The following WNT10A variants were observed in gnomAD, a reference collection of about 807,000 sequenced individuals.
WNT10A encodes protein Wnt-10a.
In WNT10A, 37 loss-of-function variants were observed where a neutral mutation model predicts 36.1. The ratio of observed to expected loss-of-function variants is 1.02; its 90% CI spans 0.79 to 1.35. The LOEUF is 1.35. Ranked by LOEUF, WNT10A falls within the 40% of genes most tolerant of loss-of-function variation. The pLI is 0.00. For missense variants in WNT10A, 613 were observed against 601.4 expected, an observed-to-expected ratio of 1.02 and a Z score of -0.20; for synonymous variants, 255 against 254.1, an observed-to-expected ratio of 1.00 and a Z score of -0.03.
upstream of WNT10A, among the ~76,000 whole-genome samples, chr2:218,877,548 C>T (rs1225810931): frequency 2.6e-5 from 4 of 152,192 alleles, no homozygotes; most frequent in Admixed American, 6.5e-5. This position sits in a 1 kb window ranked among gnomAD's most constrained non-coding sequence, Gnocchi z 4.1. Flanking sequence ...TCAAAGTCCC[C>T]TGCTGGCTGA....
At chr2:218,891,816 A>C (rs1944654123) in intron 3 of WNT10A, among the ~76,000 whole-genome samples, 1 of 152,178 alleles carries the variant, frequency 6.6e-6, no homozygotes, top group African/African-American at 2.4e-5. Context: ...CCCAAGTTTA[A>C]GGGCCCTGGA....
At chr2:218,875,159 C>CTTTTTTTTTTTTTTTTTTTTTTTTT in the WNT10A span, among the ~76,000 whole-genome samples, 1 of 36,864 alleles carries the variant, frequency 2.7e-5, no homozygotes, top group African/African-American at 7.4e-5. Flanking sequence ...GACTGACTTT[C>CTTTTTTTTTTTTTTTTTTTTTTTTT]TTTTTTTTTT....
At chr2:218,879,705 A>G (rs1361359153), upstream of WNT10A, among the ~76,000 whole-genome samples, 1 of 152,156 alleles carries the variant, frequency 6.6e-6, no homozygotes, top group Admixed American at 6.5e-5. Flanking sequence ...GGCAACACTC[A>G]GTGTTGGGGA....
At chr2:218,883,795 C>T (rs1281908861) in intron 2 of WNT10A, 1 of 152,100 alleles carries the variant, frequency 6.6e-6, no homozygotes, top group East Asian at 1.9e-4. Context: ...TGCCCGGGAC[C>T]CCCGGGTCCT....
At chr2:218,878,718 G>A (rs1192499588), upstream of WNT10A, among the ~76,000 whole-genome samples, 3 of 152,268 alleles carry the variant, frequency 2.0e-5, no homozygotes, top group Admixed American at 1.3e-4. This position sits in a 1 kb window ranked among gnomAD's most constrained non-coding sequence, Gnocchi z 4.1. Flanking sequence ...TAGTGTGAGC[G>A]CGTGATGGGG....
intron 2 of WNT10A, among the ~76,000 whole-genome samples, chr2:218,889,647 A>C (rs770976912): frequency 1.3e-5 from 2 of 152,218 alleles, no homozygotes; most frequent in Non-Finnish European, 2.9e-5. Flanking sequence ...TAAGTCCCTG[A>C]TTGTAAAAAG....
intron 2 of WNT10A, among the ~76,000 whole-genome samples, chr2:218,885,267 G>A (rs1944565798): frequency 6.6e-6 from 1 of 152,222 alleles, no homozygotes; most frequent in African/African-American, 2.4e-5. Flanking sequence ...GCTTCACCTA[G>A]TCCAGGAGCA....
upstream of WNT10A, among the ~76,000 whole-genome samples, chr2:218,879,689 C>A (rs1447356311): frequency 2.0e-5 from 3 of 152,250 alleles, no homozygotes; most frequent in Non-Finnish European, 4.4e-5. Flanking sequence ...TCTGCGGGCA[C>A]AGGCAGGCAA....
Position 218,890,011 on chromosome 2 carries a change from C to T in WNT10A, c.404C>T (p.Ala135Val). ...RGFRESAFAY[A>V]IAAAGVVHAV... ...TTCCGAGAGAGCGCTTTTGCCTACG[C>T]CATCGCAGCAGCTGGCGTGGTGCAC... Residue 135 changes from alanine (A) to valine (V), a missense_variant, in exon 3 of 4, where the codon GCC becomes GTC. By Grantham distance (64) the Ala-to-Val change is moderately conservative. Transcript: ENST00000258411. The T allele has an allele frequency of 6.2e-7, 1 of 1,613,508 alleles. No homozygotes were observed. Among genetic ancestry groups the T allele is most frequent in the South Asian group, 1.1e-5 (1 of 91,052 alleles).
intron 2 of WNT10A, among the ~76,000 whole-genome samples, chr2:218,882,709 C>T (rs565135465): frequency 6.6e-6 from 1 of 152,302 alleles, no homozygotes; most frequent in East Asian, 1.9e-4. Flanking sequence ...CACTGCATAT[C>T]TCAAACCCAG....
chr2:218,892,125 A>G (rs529919222), intron 3 of WNT10A, among the ~76,000 whole-genome samples: 2 of 152,166 alleles, frequency 1.3e-5, no homozygotes, highest in South Asian at 2.1e-4. Flanking sequence ...AGGACGAACC[A>G]TGGGTCTCAG....
chr2:218,884,932 T>G (rs577268685), intron 2 of WNT10A, among the ~76,000 whole-genome samples: 147 of 152,236 alleles, frequency 9.7e-4, no homozygotes, highest in Non-Finnish European at 1.9e-3. Flanking sequence ...CTGCCATGTT[T>G]AAACTTCAGA....
rs1465812643 is a variant in WNT10A at position 218,890,130 on chromosome 2, C to G, written c.523C>G (p.His175Asp). ...GDEEAFRRKLHRLQLDALQRG... is the reference protein window; with the variant it reads ...GDEEAFRRKLDRLQLDALQRG... ...CGAGGAGGCCTTCCGTAGGAAGCTG[C>G]ACCGCTTACAACTGGATGCACTGCA... The change falls in exon 3 of 4, where the codon CAC becomes GAC. Residue 175 changes from histidine to aspartate, a missense_variant. Physicochemically the swap from His to Asp is moderately conservative, Grantham distance 81. Transcript: ENST00000258411. 5 of 1,614,158 alleles carry G rather than the reference C, an allele frequency of 3.1e-6. 1 individual carries two copies. In the South Asian group the frequency reaches 5.5e-5, roughly 18 times the overall value.
rs753570181 is a variant in WNT10A, at chr2:218,893,202, C to T, written c.1185C>T (p.Arg395=). ...CGCGCAGCGAGCGCTGCCACTGCCG[C>T]TTCCACTGGTGCTGTTTCGTGGTCT... is the stretch of plus-strand genomic sequence containing the variant. ...RQTRSERCHC[R]FHWCCFVVCE... The change falls in exon 4 of 4, where the codon CGC becomes CGT. Residue 395 remains arginine (R), a synonymous_variant. Coordinates refer to ENST00000258411, the MANE Select transcript of WNT10A (RefSeq NM_025216.3). This position sits in a 1 kb window ranked among gnomAD's most constrained non-coding sequence, Gnocchi z 6.3. 3 of 1,577,492 alleles carry T rather than the reference C, an allele frequency of 1.9e-6. No homozygotes were observed. Among genetic ancestry groups the T allele is most frequent in the Non-Finnish European group, 2.6e-6 (3 of 1,168,310 alleles).
chr2:218,893,492 G>A lies in WNT10A; in HGVS notation c.*221G>A. On this transcript the variant is annotated 3_prime_UTR_variant, in exon 4 of 4. Coordinates refer to ENST00000258411, the MANE Select transcript of WNT10A (RefSeq NM_025216.3). This position sits in a 1 kb window ranked among gnomAD's most constrained non-coding sequence, Gnocchi z 6.3. The stretch of plus-strand genomic sequence containing the variant: ...CTTCTGTGGGCTCTAGGACTGACTG[G>A]GTTCTTCCTCCCTCCCCGAAGCCCA... The A allele has an allele frequency of 1.8e-6, 1 of 555,256 alleles. No homozygotes were observed. Among genetic ancestry groups the A allele is most frequent in the Non-Finnish European group, 2.9e-6 (1 of 347,976 alleles). 34.4% of individuals were successfully genotyped at this position (555,256 alleles called of 1,614,324 possible).
rs1944679304 is a variant in WNT10A at position 218,893,238 on chromosome 2, C to T, written c.1221C>T (p.Cys407=). 6.4e-7 allele frequency: 1 copy of T among 1,562,072 alleles called. No individual in the cohort carries two copies. Among genetic ancestry groups the T allele is most frequent in the Non-Finnish European group, 8.6e-7 (1 of 1,160,284 alleles). The change falls in exon 4 of 4, where the codon TGC becomes TGT. Residue 407 remains cysteine, a synonymous_variant. Transcript: ENST00000258411. This position sits in a 1 kb window ranked among gnomAD's most constrained non-coding sequence, Gnocchi z 6.3. The stretch of plus-strand genomic sequence containing the variant: ...GCTGTTTCGTGGTCTGCGAAGAGTG[C>T]CGCATCACCGAGTGGGTCAGCGTCT... ...HWCCFVVCEE[C]RITEWVSVCK
chr2:218,875,159 C>CTTTTTT, the WNT10A span, among the ~76,000 whole-genome samples: 10 of 36,864 alleles, frequency 2.7e-4, 3 homozygotes, highest in Admixed American at 8.5e-4. Context: ...GACTGACTTT[C>CTTTTTT]TTTTTTTTTT....
the WNT10A span, among the ~76,000 whole-genome samples, chr2:218,874,875 A>C: frequency 6.6e-6 from 1 of 152,312 alleles, no homozygotes; most frequent in South Asian, 2.1e-4. Context: ...CTACATAACA[A>C]ACAACCCCAA....
In WNT10A at chr2:218,890,036, C is replaced by T. The variant is rs747642854; in HGVS notation, c.429C>T (p.His143=). 2.4e-5 allele frequency: 39 copies of T among 1,613,794 alleles called. No homozygotes were observed. The highest frequency in any genetic ancestry group is 3.4e-4 in the Middle Eastern group (2 of 5,848). ...CCATCGCAGCAGCTGGCGTGGTGCACGCCGTGTCCAATGCGTGTGCCCTGG... is the reference window on the plus strand; with the variant it reads ...CCATCGCAGCAGCTGGCGTGGTGCATGCCGTGTCCAATGCGTGTGCCCTGG... ...AYAIAAAGVV[H]AVSNACALGK... Residue 143 remains histidine (H), a synonymous_variant, in exon 3 of 4, where the codon CAC becomes CAT. Coordinates refer to ENST00000258411, the MANE Select transcript of WNT10A (RefSeq NM_025216.3).
Sources: allele counts gnomAD v4.1 joint callset (sites outside exome capture counted in the v4.1 genomes callset), GRCh38; gene constraint gnomAD v4.1.1; non-coding constraint Gnocchi (gnomAD v3.1); transcripts MANE v1.5; gene names NCBI Gene and HGNC (gene_info 2026-07-23, HGNC 2026-07-21).